GPBP1: variants seen among roughly 807,000 people sequenced by gnomAD.
GPBP1 encodes the protein vasculin.
Under a neutral mutation model 56.5 loss-of-function variants are expected in GPBP1, and 13 were observed. That is an observed-to-expected ratio of 0.23 (90% CI 0.15 to 0.37). The LOEUF is 0.37. Among genes scored for constraint, GPBP1 ranks in the 10% least tolerant of loss-of-function variants. The pLI is 1.00. For synonymous variants in GPBP1, 204 were observed against 188.9 expected, an observed-to-expected ratio of 1.08 and a Z score of -0.66; for missense variants, 477 against 572.3, an observed-to-expected ratio of 0.83 and a Z score of 1.70.
intron 2 of GPBP1, among the ~76,000 whole-genome samples, chr5:57,189,663 T>C (rs1158564553): frequency 1.3e-5 from 2 of 152,200 alleles, no homozygotes; most frequent in African/African-American, 4.8e-5. Context: ...AAAAATGATA[T>C]TCGATTGTGT....
rs911230930 is a variant in GPBP1 at position 57,238,558 on chromosome 5, C to CA, written c.478+2532dup. The stretch of plus-strand genomic sequence containing the variant: ...GAGCAACAAGAGTGAAACTCCGTCT[C>CA]AAAAAATAAATAAATAAATAAATAA... On this transcript the variant is annotated intron_variant, in intron 6 of 11. Coordinates refer to ENST00000506184, the MANE Select transcript of GPBP1 (RefSeq NM_022913.4). 2.2e-3 allele frequency among the ~76,000 whole-genome samples: 330 copies of CA among 149,808 alleles called. 4 individuals are homozygous for CA. The highest frequency in any genetic ancestry group is 7.6e-3 in the African/African-American group (307 of 40,648).
intron 2 of GPBP1, among the ~76,000 whole-genome samples, chr5:57,186,860 T>A (rs1209412405): frequency 6.6e-6 from 1 of 152,130 alleles, no homozygotes; most frequent in East Asian, 1.9e-4. Context: ...CGAGAGCCGC[T>A]GTGACCACCC....
chr5:57,260,899 T>C (rs1036501406), intron 10 of GPBP1, among the ~76,000 whole-genome samples: 3 of 152,170 alleles, frequency 2.0e-5, no homozygotes, highest in African/African-American at 7.2e-5. Context: ...TTTAGCAGAT[T>C]TGCTTCACAT....
Position 57,191,851 on chromosome 5 carries a change from C to T in GPBP1, c.-58+15451C>T, listed in dbSNP as rs968898209. Among the ~76,000 whole-genome samples the T allele has an allele frequency of 5.3e-5, 8 of 152,074 alleles. No homozygotes were observed. The East Asian group carries it at 1.4e-3, about 26-fold the overall frequency. Reference sequence around the variant, plus strand: ...CTGGGATTACAGGCGTGAGCCACCACGCCGGCCTGTCTAGGTTTTAAGGAG... The same window carrying T: ...CTGGGATTACAGGCGTGAGCCACCATGCCGGCCTGTCTAGGTTTTAAGGAG... On this transcript the variant is annotated intron_variant, in intron 2 of 11. Transcript: ENST00000506184.
chr5:57,179,927 A>G lies in GPBP1; in HGVS notation c.-58+3527A>G, dbSNP rs533352180. On this transcript the variant is annotated intron_variant, in intron 2 of 11. Coordinates refer to ENST00000506184, the MANE Select transcript of GPBP1 (RefSeq NM_022913.4). The stretch of plus-strand genomic sequence containing the variant: ...TCTCTGTTTTTGAATTGAAATAGTT[A>G]CATGGATTTTTGTGCTTGAAGCTGC... Among the ~76,000 whole-genome samples, 6 of 152,124 alleles carry G rather than the reference A, an allele frequency of 3.9e-5. No individual in the cohort carries two copies. The South Asian group carries it at 1.2e-3, about 32-fold the overall frequency.
chr5:57,181,403 T>C (rs1336942808), intron 2 of GPBP1, among the ~76,000 whole-genome samples: 1 of 149,678 alleles, frequency 6.7e-6, no homozygotes, highest in Non-Finnish European at 1.5e-5. Flanking sequence ...ATCGCGACAC[T>C]GCACTCCAGC....
At chr5:57,192,753 CAAAAAAAAAAA>C (rs70999061) in intron 2 of GPBP1, among the ~76,000 whole-genome samples, 2 of 103,214 alleles carry the variant, frequency 1.9e-5, no homozygotes, top group East Asian at 6.2e-4. Flanking sequence ...AACTCCGTCT[CAAAAAAAAAAA>C]AAAAAAAAAA....
intron 10 of GPBP1, among the ~76,000 whole-genome samples, chr5:57,253,661 T>C (rs187613499): frequency 4.6e-5 from 7 of 152,258 alleles, no homozygotes; most frequent in Admixed American, 6.5e-5. Context: ...CTACCTGTTA[T>C]GTAAATCTGT....
intron 2 of GPBP1, among the ~76,000 whole-genome samples, chr5:57,208,655 CTTTTTT>C (rs70999065): frequency 8.4e-6 from 1 of 119,070 alleles, no homozygotes; most frequent in Admixed American, 8.9e-5. Flanking sequence ...TTTTGTTTTT[CTTTTTT>C]TTTTTTTTTT....
chr5:57,262,244 A>T (rs369504994), intron 11 of GPBP1, among the ~76,000 whole-genome samples: 1 of 152,070 alleles, frequency 6.6e-6, no homozygotes, highest in Non-Finnish European at 1.5e-5. Flanking sequence ...ACCTCATTCT[A>T]CTTTACAAAC....
chr5:57,221,387 C>T, intron 3 of GPBP1: 2 of 1,527,344 alleles, frequency 1.3e-6, no homozygotes, highest in Non-Finnish European at 1.8e-6. Flanking sequence ...TCCTGACCAG[C>T]AGTTTGAAAG....
intron 2 of GPBP1, among the ~76,000 whole-genome samples, chr5:57,176,987 T>C (rs543466228): frequency 7.9e-5 from 12 of 152,358 alleles, no homozygotes; most frequent in African/African-American, 2.9e-4. Context: ...GAAATAGTTT[T>C]GTTGAAATGG....
intron 9 of GPBP1, among the ~76,000 whole-genome samples, chr5:57,250,249 C>CT (rs1188472473): frequency 2.6e-5 from 4 of 151,848 alleles, no homozygotes; most frequent in Non-Finnish European, 4.4e-5. Context: ...GGTGATCCGC[C>CT]TGCCTTGGCC....
At chr5:57,260,681 G>A (rs532055952) in intron 10 of GPBP1, among the ~76,000 whole-genome samples, 1 of 151,972 alleles carries the variant, frequency 6.6e-6, no homozygotes, top group Non-Finnish European at 1.5e-5. Context: ...AAGTACTTAG[G>A]GGTTTCATTT....
chr5:57,177,205 A>G (rs146170980), intron 2 of GPBP1, among the ~76,000 whole-genome samples: 3 of 152,280 alleles, frequency 2.0e-5, no homozygotes, highest in East Asian at 3.9e-4. Flanking sequence ...ATTAATTGCT[A>G]TAATAGAAAT....
Position 57,262,641 on chromosome 5 carries a change from G to C in GPBP1, c.1311G>C (p.Leu437Phe), listed in dbSNP as rs888392403. 3.1e-6 allele frequency: 5 copies of C among 1,613,558 alleles called. No homozygotes were observed. Among genetic ancestry groups the C allele is most frequent in the Non-Finnish European group, 3.4e-6 (4 of 1,179,706 alleles). ...AAAATGGTATTTTGAAAAATGGCTT[G>C]ATCTGTGACTTCAAGTTTGGACCGT... ...LRKNGILKNG[L>F]ICDFKFGPWK... Residue 437 changes from leucine to phenylalanine, a missense_variant, in exon 12 of 12, where the codon TTG becomes TTC. Coordinates refer to ENST00000506184, the MANE Select transcript of GPBP1 (RefSeq NM_022913.4).
chr5:57,225,028 A>G (rs1756118207), intron 3 of GPBP1, among the ~76,000 whole-genome samples: 1 of 152,106 alleles, frequency 6.6e-6, no homozygotes, highest in Non-Finnish European at 1.5e-5. Context: ...CCCCAGATGA[A>G]AAGTCTAGGT....
Position 57,262,831 on chromosome 5 carries a change from C to A in GPBP1, c.*79C>A. The A allele has an allele frequency of 7.5e-7, 1 of 1,332,520 alleles. No individual in the cohort carries two copies. Among genetic ancestry groups the A allele is most frequent in the South Asian group, 1.4e-5 (1 of 72,978 alleles). 82.5% of individuals were successfully genotyped at this position (1,332,520 alleles called of 1,614,324 possible). A position where few individuals can be genotyped will look rare whatever the true frequency, so the allele number is the denominator to read the frequency against. On this transcript the variant is annotated 3_prime_UTR_variant, in exon 12 of 12. Transcript: ENST00000506184. ...TGGGGTGAATTGTAAAAATGAAGAA[C>A]TATAATTTATGTAGTGAAATACCCC...
chr5:57,218,805 G>C (rs938880637), intron 3 of GPBP1, among the ~76,000 whole-genome samples: 6 of 152,130 alleles, frequency 3.9e-5, no homozygotes, highest in Non-Finnish European at 8.8e-5. Context: ...TCTCCCATAA[G>C]GACTTACCAG....
Sources: allele counts gnomAD v4.1 joint callset (sites outside exome capture counted in the v4.1 genomes callset), GRCh38; gene constraint gnomAD v4.1.1; transcripts MANE v1.5; gene names NCBI Gene and HGNC (gene_info 2026-07-23, HGNC 2026-07-21).